INSR: variants seen among roughly 807,000 people sequenced by gnomAD.
The protein encoded by INSR is IR.
Under a neutral mutation model 142.6 loss-of-function variants are expected in INSR, and 67 were observed. That is an observed-to-expected ratio of 0.47 (90% CI 0.39 to 0.58). The LOEUF (loss-of-function observed/expected upper bound fraction) is 0.58. Among genes scored for constraint, INSR ranks in the 20% least tolerant of loss-of-function variants. The pLI is 0.00. For synonymous variants in INSR, 756 were observed against 743.1 expected (o/e 1.02, Z -0.28); for missense variants, 1,248 against 1,833.2 (o/e 0.68, Z 5.83).
chr19:7,130,583 T>C (rs1033941858), intron 14 of INSR, among the ~76,000 whole-genome samples: 1 of 152,164 alleles, frequency 6.6e-6, no homozygotes, highest in African/African-American at 2.4e-5. Context: ...AAGAAGTGTG[T>C]AGCACCATCT....
At chr19:7,260,818 G>C (rs1977034792) in intron 2 of INSR, among the ~76,000 whole-genome samples, 2 of 151,732 alleles carry the variant, frequency 1.3e-5, no homozygotes, top group Admixed American at 1.3e-4. Flanking sequence ...GCTTGAACCA[G>C]CTTGTGACCA....
intron 9 of INSR, among the ~76,000 whole-genome samples, chr19:7,157,128 G>C (rs1165657242): frequency 1.3e-5 from 2 of 152,166 alleles, no homozygotes; most frequent in Non-Finnish European, 2.9e-5. Flanking sequence ...CTACAGGCGT[G>C]CACCACCATG....
intron 2 of INSR, among the ~76,000 whole-genome samples, chr19:7,197,516 GGT>G (rs552352795): frequency 0.025 from 1,754 of 70,964 alleles, 161 homozygotes; most frequent in Middle Eastern, 0.043. Flanking sequence ...TGGGAGTGGG[GGT>G]GTGTGTGTGT....
At chr19:7,187,965 G>C (rs1475360446) in intron 2 of INSR, among the ~76,000 whole-genome samples, 2 of 152,018 alleles carry the variant, frequency 1.3e-5, no homozygotes, top group Non-Finnish European at 2.9e-5. Flanking sequence ...ACAGGCCTTG[G>C]GGGGTCTAAT....
chr19:7,145,364 G>A (rs1464370942), intron 11 of INSR, among the ~76,000 whole-genome samples: 2 of 151,546 alleles, frequency 1.3e-5, no homozygotes, highest in Non-Finnish European at 1.5e-5. Context: ...AAGGTTTTAC[G>A]GCAATTTTGA....
rs34080394 is a variant in INSR, at chr19:7,135,304, C to CTTTT, written c.2683-2991_2683-2988dup. Reference sequence around the variant, plus strand: ...CCAGGACAAAGGGGAAATGCATCTTCTTTTTTTTTTTTTTTTTTTTTTTTT... The same window carrying CTTTT: ...CCAGGACAAAGGGGAAATGCATCTTCTTTTTTTTTTTTTTTTTTTTTTTTTTTTT... On this transcript the variant is annotated intron_variant, in intron 13 of 21. Coordinates refer to ENST00000302850, the MANE Select transcript of INSR (RefSeq NM_000208.4). Among the ~76,000 whole-genome samples, 39 of 60,038 alleles carry CTTTT rather than the reference C, an allele frequency of 6.5e-4. 3 individuals carry two copies. Among genetic ancestry groups the CTTTT allele is most frequent in the Non-Finnish European group, 8.2e-4 (28 of 34,144 alleles). 39.4% of individuals were successfully genotyped at this position (60,038 alleles called of 152,430 possible). A position where few individuals can be genotyped will look rare whatever the true frequency, so the allele number is the denominator to read the frequency against.
chr19:7,205,425 T>G (rs972606827), intron 2 of INSR, among the ~76,000 whole-genome samples: 11 of 152,190 alleles, frequency 7.2e-5, no homozygotes, highest in African/African-American at 2.4e-4. Context: ...ATGCCAACTT[T>G]CTAGCTCAGT....
At position 7,152,809 on chromosome 19, in the gene INSR, G is replaced by A; in HGVS notation, c.2148C>T (p.Asp716=). ...CCTCCAGCTCCTTCAGGATCTGAGA[G>A]TCTGTCTTTGGACAGGAGCAGCATT... The part of the protein sequence containing the change: ...AGECCSCPKT[D]SQILKELEES... The change falls in exon 10 of 22, where the codon GAC becomes GAT. Residue 716 remains aspartate (D), a synonymous_variant. Transcript: ENST00000302850. 1 of 1,613,534 alleles carries A rather than the reference G, an allele frequency of 6.2e-7. No individual in the cohort carries two copies. The highest frequency in any genetic ancestry group is 2.2e-5 in the East Asian group (1 of 44,882).
Position 7,166,636 on chromosome 19 carries a change from T to G in INSR, c.1611-232A>C, listed in dbSNP as rs1240379808. ...ATCCCTTATTCAAAACACTTGAGAC[T>G]TGGCCAAGTGCAGTGGCTCACGCCT... is the stretch of plus-strand genomic sequence containing the variant. On this transcript the variant is annotated intron_variant, in intron 7 of 21. Coordinates refer to ENST00000302850, the MANE Select transcript of INSR (RefSeq NM_000208.4). This position sits in a 1 kb window ranked among gnomAD's most constrained non-coding sequence, Gnocchi z 4.1. Among the ~76,000 whole-genome samples, 2 of 152,164 alleles carry G rather than the reference T, an allele frequency of 1.3e-5. No homozygotes were observed. The highest frequency in any genetic ancestry group is 2.9e-5 in the Non-Finnish European group (2 of 68,020).
intron 2 of INSR, among the ~76,000 whole-genome samples, chr19:7,209,835 C>A (rs1160912507): frequency 6.6e-6 from 1 of 152,086 alleles, no homozygotes; most frequent in East Asian, 1.9e-4. Flanking sequence ...TTTCATCCAC[C>A]CTACTCCAAT....
chr19:7,140,899 G>A (rs774431761), intron 13 of INSR, among the ~76,000 whole-genome samples: 32 of 151,958 alleles, frequency 2.1e-4, no homozygotes, highest in Admixed American at 1.4e-3. Context: ...CATACAGTGA[G>A]CCCTGGGAAG....
At chr19:7,277,772 G>A (rs1568234836) in intron 1 of INSR, among the ~76,000 whole-genome samples, 1 of 152,074 alleles carries the variant, frequency 6.6e-6, no homozygotes, top group Admixed American at 6.6e-5. Context: ...ACTCCAGCCT[G>A]GGTGACAGAG....
Position 7,214,697 on chromosome 19 carries a change from G to C in INSR, c.653-30060C>G, listed in dbSNP as rs937954351. Among the ~76,000 whole-genome samples, 17 of 152,144 alleles carry C rather than the reference G, an allele frequency of 1.1e-4. 1 individual carries two copies. Among genetic ancestry groups the C allele is most frequent in the Admixed American group, 1.0e-3 (16 of 15,260 alleles). On this transcript the variant is annotated intron_variant, in intron 2 of 21. Coordinates refer to ENST00000302850, the MANE Select transcript of INSR (RefSeq NM_000208.4). ...ATTTCATCCACTCAATGACCATAGA[G>C]GAAGATATGATGATGACTTATCCCT...
intron 2 of INSR, among the ~76,000 whole-genome samples, chr19:7,250,386 G>A (rs1011835899): frequency 1.6e-4 from 16 of 100,536 alleles, no homozygotes; most frequent in African/African-American, 7.4e-4. Flanking sequence ...AGAGAGGAAG[G>A]GAGAGAAGGA....
Position 7,141,682 on chromosome 19 carries a change from C to T in INSR, c.2677G>A (p.Asp893Asn), listed in dbSNP as rs183360558. Reference protein sequence around the residue: ...LYEVSYRRYGDEELHLCVSRK... With the variant: ...LYEVSYRRYGNEELHLCVSRK... ...CCAAGAGTCAAGGGCCTTACCTCATCACCATATCGCCGATAACTCACTTCA... is the reference window on the plus strand; with the variant it reads ...CCAAGAGTCAAGGGCCTTACCTCATTACCATATCGCCGATAACTCACTTCA... The change falls in exon 13 of 22, where the codon GAT becomes AAT. Residue 893 changes from aspartate (D) to asparagine (N), a missense_variant. Around this residue, in one of 3 missense-constraint regions of INSR, gnomAD observed 1,069 missense variants for 1,654.0 expected, o/e 0.65. Transcript: ENST00000302850. 164 of 1,614,222 alleles carry T rather than the reference C, an allele frequency of 1.0e-4. No individual in the cohort carries two copies. Among genetic ancestry groups the T allele is most frequent in the Admixed American group, 2.2e-4 (13 of 60,020 alleles).
chr19:7,243,250 T>TG (rs1347245071), intron 2 of INSR, among the ~76,000 whole-genome samples: 17 of 131,952 alleles, frequency 1.3e-4, no homozygotes, highest in Non-Finnish European at 1.8e-4. Context: ...TTTTTTTTTT[T>TG]TTTTTTTTTT....
rs1380677779 is a variant in INSR at position 7,117,002 on chromosome 19, C to T, written c.*54G>A. ...CCTGAGTTTTCCAGAGGCTTTCAAACCAGAGGAAAGCGAAAATGGGAACCC... is the reference window on the plus strand; with the variant it reads ...CCTGAGTTTTCCAGAGGCTTTCAAATCAGAGGAAAGCGAAAATGGGAACCC... On this transcript the variant is annotated 3_prime_UTR_variant, in exon 22 of 22. Coordinates refer to ENST00000302850, the MANE Select transcript of INSR (RefSeq NM_000208.4). 4.6e-6 allele frequency: 6 copies of T among 1,305,754 alleles called. No homozygotes were observed. Among genetic ancestry groups the T allele is most frequent in the African/African-American group, 2.9e-5 (2 of 68,134 alleles). 80.9% of individuals were successfully genotyped at this position (1,305,754 alleles called of 1,614,324 possible).
chr19:7,177,767 G>C (rs1310674181), intron 3 of INSR, among the ~76,000 whole-genome samples: 1 of 133,376 alleles, frequency 7.5e-6, no homozygotes, highest in Admixed American at 8.7e-5. Context: ...GGCTGGTCTC[G>C]AACTCCCAAC....
intron 5 of INSR, among the ~76,000 whole-genome samples, chr19:7,171,358 C>T (rs922196064): frequency 6.6e-6 from 1 of 152,094 alleles, no homozygotes; most frequent in Non-Finnish European, 1.5e-5. Flanking sequence ...TTAACATGTC[C>T]TTTTGTCCCT....
Sources: gnomAD v4.1 joint callset for allele counts (sites outside exome capture counted in the v4.1 genomes callset) on GRCh38, gnomAD v4.1.1 for gene constraint, gnomAD v4.1.1 regional missense constraint, Gnocchi (gnomAD v3.1) non-coding constraint, MANE v1.5 for transcripts, NCBI Gene and HGNC (gene_info 2026-07-23, HGNC 2026-07-21) for gene names.